The following TENM2 variants were observed in gnomAD, a reference collection of about 807,000 sequenced individuals.
TENM2 encodes teneurin transmembrane protein 2.
TENM2 carries 52 observed loss-of-function variants against 245.2 expected under a neutral mutation model. That is an observed-to-expected ratio of 0.21 (90% CI 0.17 to 0.27). The LOEUF (loss-of-function observed/expected upper bound fraction) is 0.27. TENM2 is among the 10% of genes least tolerant of loss of function. The probability of loss-of-function intolerance (pLI) is 1.00; values close to 1 mark genes in which losing one functional copy is unlikely to be tolerated. For missense variants in TENM2, 3,046 were observed against 3,666.8 expected (o/e 0.83, Z 4.37); for synonymous variants, 1,363 against 1,438.9 (o/e 0.95, Z 1.19).
At chr5:167,271,769 G>A in the TENM2 span, among the ~76,000 whole-genome samples, 17,202 of 152,112 alleles carry the variant, frequency 0.11, 1,137 homozygotes, top group East Asian at 0.18. Context: ...CTGAAGCTAG[G>A]GAGCAAAACA....
chr5:167,732,345 T>C (rs1483135921), intron 2 of TENM2, among the ~76,000 whole-genome samples: 1 of 152,174 alleles, frequency 6.6e-6, no homozygotes, highest in Non-Finnish European at 1.5e-5. Flanking sequence ...GTGAATGCAA[T>C]GTCCATTATG....
intron 12 of TENM2, among the ~76,000 whole-genome samples, chr5:168,156,259 A>AAAAAAAAC (rs1305098438): frequency 6.6e-6 from 1 of 150,740 alleles, no homozygotes; most frequent in Non-Finnish European, 1.5e-5. Flanking sequence ...AAAAAAAAAA[A>AAAAAAAAC]AAAAAAACAC....
At chr5:167,733,142 C>T (rs1760553507) in intron 2 of TENM2, among the ~76,000 whole-genome samples, 1 of 152,262 alleles carries the variant, frequency 6.6e-6, no homozygotes, top group East Asian at 1.9e-4. Context: ...GGCATATTCC[C>T]AGGCAGTGGC....
chr5:166,979,194 C>G, the TENM2 span, among the ~76,000 whole-genome samples: 672 of 142,118 alleles, frequency 4.7e-3, 6 homozygotes, highest in African/African-American at 0.015. Flanking sequence ...AGCACCACCA[C>G]CAGCAGCAGC....
chr5:167,589,145 T>C (rs1775704814), intron 2 of TENM2, among the ~76,000 whole-genome samples: 2 of 149,232 alleles, frequency 1.3e-5, no homozygotes, highest in African/African-American at 5.0e-5. Flanking sequence ...GAGGTTGCAG[T>C]GAACTGAGAT....
the TENM2 span, among the ~76,000 whole-genome samples, chr5:167,098,542 A>T: frequency 2.0e-5 from 3 of 152,138 alleles, no homozygotes; most frequent in Non-Finnish European, 2.9e-5. Context: ...AGCGCTTGTC[A>T]TTCCTGTTGT....
intron 3 of TENM2, among the ~76,000 whole-genome samples, chr5:167,880,843 C>T (rs1773820095): frequency 6.6e-6 from 1 of 152,190 alleles, no homozygotes; most frequent in Non-Finnish European, 1.5e-5. Flanking sequence ...ATTGCATGCC[C>T]TATAGGCAAT....
At chr5:168,198,934 G>A (rs1336901413) in exon 16 of TENM2, 1 of 1,614,068 alleles carries the variant, frequency 6.2e-7, no homozygotes, top group Admixed American at 1.7e-5. Flanking sequence ...AGCGCACTGT[G>A]TGGCTGCCGT....
At chr5:167,914,443 A>C (rs558612774) in intron 3 of TENM2, among the ~76,000 whole-genome samples, 1 of 152,122 alleles carries the variant, frequency 6.6e-6, no homozygotes, top group African/African-American at 2.4e-5. Flanking sequence ...TCTCTTCTGC[A>C]TCCCTCTTTC....
In TENM2 at chr5:167,569,569, G is replaced by A. The variant is rs149076100; in HGVS notation, c.502+194096G>A. Among the ~76,000 whole-genome samples the A allele has an allele frequency of 5.4e-3, 822 of 152,222 alleles. 5 individuals carry two copies. Among genetic ancestry groups the A allele is most frequent in the African/African-American group, 0.018 (763 of 41,530 alleles). On this transcript the variant is annotated intron_variant, in intron 2 of 28. Transcript: ENST00000518659. Reference sequence around the variant, plus strand: ...TGCCATTTGCTCCTTGTGTGATGTCGGGTAAGTTAATTTTGCTAAATCTCA... The same window carrying A: ...TGCCATTTGCTCCTTGTGTGATGTCAGGTAAGTTAATTTTGCTAAATCTCA...
At chr5:167,678,014 A>C (rs972390298) in intron 2 of TENM2, among the ~76,000 whole-genome samples, 2 of 151,994 alleles carry the variant, frequency 1.3e-5, no homozygotes, top group African/African-American at 4.8e-5. Context: ...ACTTAAAGAC[A>C]TGGAATTATA....
At chr5:168,100,197 C>A (rs1445419043) in intron 9 of TENM2, among the ~76,000 whole-genome samples, 1 of 152,104 alleles carries the variant, frequency 6.6e-6, no homozygotes, top group African/African-American at 2.4e-5. Context: ...CGTCTCATGC[C>A]AGTTAGAATG....
intron 2 of TENM2, among the ~76,000 whole-genome samples, chr5:167,837,453 A>T (rs1769105048): frequency 1.3e-5 from 2 of 152,170 alleles, no homozygotes; most frequent in African/African-American, 2.4e-5. Context: ...TATTTTTCCC[A>T]GCACTAGATG....
At chr5:168,252,644 G>A (rs1289959487) in intron 27 of TENM2, among the ~76,000 whole-genome samples, 1 of 151,754 alleles carries the variant, frequency 6.6e-6, no homozygotes, top group Non-Finnish European at 1.5e-5. Flanking sequence ...AGTAGTTTGA[G>A]ACCAGCCTGA....
At chr5:167,697,788 G>C (rs1437704700) in intron 2 of TENM2, among the ~76,000 whole-genome samples, 1 of 152,172 alleles carries the variant, frequency 6.6e-6, no homozygotes, top group Non-Finnish European at 1.5e-5. Flanking sequence ...ACTTCCCAAA[G>C]TGCTTGGATT....
the TENM2 span, among the ~76,000 whole-genome samples, chr5:167,063,043 C>G: frequency 6.6e-6 from 1 of 152,130 alleles, no homozygotes; most frequent in Non-Finnish European, 1.5e-5. Context: ...TGGTTTCTTT[C>G]TTCTCACATC....
At chr5:167,163,645 C>T in the TENM2 span, among the ~76,000 whole-genome samples, 1 of 152,136 alleles carries the variant, frequency 6.6e-6, no homozygotes, top group Non-Finnish European at 1.5e-5. Flanking sequence ...TTTAAATCAG[C>T]TCTTCCATGG....
the TENM2 span, among the ~76,000 whole-genome samples, chr5:167,220,829 A>AT: frequency 1.8e-3 from 265 of 147,034 alleles, no homozygotes; most frequent in South Asian, 0.014. Flanking sequence ...TATCATACAC[A>AT]TTTTTTTTTT....
chr5:168,107,374 C>T (rs919273496), intron 9 of TENM2, among the ~76,000 whole-genome samples: 12 of 152,312 alleles, frequency 7.9e-5, no homozygotes, highest in South Asian at 4.1e-4. Flanking sequence ...TCACTACTGT[C>T]CTCAAACACC....
Sources: gnomAD v4.1 joint callset for allele counts (sites outside exome capture counted in the v4.1 genomes callset) on GRCh38, gnomAD v4.1.1 for gene constraint, MANE v1.5 for transcripts, NCBI Gene and HGNC (gene_info 2026-07-23, HGNC 2026-07-21) for gene names.